Variants in CEP112 observed in about 807,000 individuals in gnomAD.
CEP112 encodes centrosomal protein of 112 kDa.
In CEP112, 127 loss-of-function variants were observed where a neutral mutation model predicts 153.0. The ratio of observed to expected loss-of-function variants is 0.83; its 90% confidence interval spans 0.72 to 0.96. The LOEUF (loss-of-function observed/expected upper bound fraction) is 0.96. Among genes scored for constraint, CEP112 ranks in the 40% least tolerant of loss-of-function variants. CEP112 has a pLI of 0.00. For synonymous variants in CEP112, 358 were observed against 374.4 expected, an observed-to-expected ratio of 0.96 and a Z score of 0.51; for missense variants, 1,089 against 1,101.2, an observed-to-expected ratio of 0.99 and a Z score of 0.16.
intron 21 of CEP112, among the ~76,000 whole-genome samples, chr17:65,757,926 T>C (rs912935405): frequency 6.6e-6 from 1 of 152,158 alleles, no homozygotes; most frequent in East Asian, 1.9e-4. Context: ...CATTTGTATA[T>C]AGAAACACAA....
chr17:65,926,364 C>T (rs141220049), intron 19 of CEP112, among the ~76,000 whole-genome samples: 121 of 152,282 alleles, frequency 7.9e-4, no homozygotes, highest in Middle Eastern at 3.4e-3. Flanking sequence ...CTATAATCTC[C>T]TTCCCACCCT....
intron 18 of CEP112, among the ~76,000 whole-genome samples, chr17:65,928,177 T>C (rs968779034): frequency 2.0e-5 from 3 of 152,202 alleles, no homozygotes; most frequent in Non-Finnish European, 4.4e-5. Flanking sequence ...TTTGAAAAGA[T>C]GCTCAACATC....
At chr17:66,026,243 T>TA (rs1376604563) in intron 16 of CEP112, among the ~76,000 whole-genome samples, 1 of 152,118 alleles carries the variant, frequency 6.6e-6, no homozygotes, top group East Asian at 1.9e-4. Context: ...TATATCCATG[T>TA]AAAAAAACTG....
chr17:65,982,600 A>G (rs2145153436), intron 17 of CEP112, among the ~76,000 whole-genome samples: 1 of 152,320 alleles, frequency 6.6e-6, no homozygotes, highest in South Asian at 2.1e-4. Flanking sequence ...TGCAGTTCCA[A>G]TTAGGGTAAA....
intron 24 of CEP112, among the ~76,000 whole-genome samples, chr17:65,654,068 A>AAAAAAAAAAAG (rs2045934220): frequency 6.7e-6 from 1 of 149,972 alleles, no homozygotes; most frequent in African/African-American, 2.5e-5. Context: ...AAAAAAAAAA[A>AAAAAAAAAAAG]AAAAAAAAAA....
At chr17:65,751,786 T>A (rs954743580) in intron 21 of CEP112, among the ~76,000 whole-genome samples, 12 of 152,170 alleles carry the variant, frequency 7.9e-5, no homozygotes, top group African/African-American at 2.9e-4. Flanking sequence ...ATCATTAACA[T>A]CCCTCTTTTT....
intron 11 of CEP112, among the ~76,000 whole-genome samples, chr17:66,057,418 T>C (rs771612750): frequency 2.0e-5 from 3 of 152,144 alleles, no homozygotes; most frequent in Non-Finnish European, 2.9e-5. Flanking sequence ...CTCCATGGGA[T>C]AGGTATTCTC....
rs201972545 is a variant in CEP112 at position 65,983,427 on chromosome 17, T to C, written c.1737-21829A>G. On this transcript the variant is annotated intron_variant, in intron 17 of 26. Coordinates refer to ENST00000535342, the MANE Select transcript of CEP112 (RefSeq NM_001199165.4). ...TTGGGATATGTGTCCCCTCCAAATA[T>C]CATGTTGAAATGTGACCTTCCAATG... Among the ~76,000 whole-genome samples, 9 of 152,272 alleles carry C rather than the reference T, an allele frequency of 5.9e-5. No homozygotes were observed. In the East Asian group the frequency reaches 1.5e-3, roughly 26 times the overall value.
chr17:66,095,299 C>A (rs2068296904), intron 8 of CEP112, among the ~76,000 whole-genome samples: 1 of 152,030 alleles, frequency 6.6e-6, no homozygotes, highest in African/African-American at 2.4e-5. Flanking sequence ...TACACACACA[C>A]ACATACACAC....
chr17:66,154,235 C>T (rs1265398492), intron 4 of CEP112, among the ~76,000 whole-genome samples: 1 of 151,748 alleles, frequency 6.6e-6, no homozygotes. Flanking sequence ...TAATGCTAGG[C>T]TGGGCACGGT....
At chr17:66,052,878 G>A (rs1260594957) in intron 12 of CEP112, among the ~76,000 whole-genome samples, 5 of 152,134 alleles carry the variant, frequency 3.3e-5, no homozygotes, top group Admixed American at 2.0e-4. Context: ...AGGCCAACGC[G>A]GGCAGATCGC....
chr17:65,666,025 T>C (rs2046674918), intron 24 of CEP112, among the ~76,000 whole-genome samples: 1 of 152,202 alleles, frequency 6.6e-6, no homozygotes, highest in Non-Finnish European at 1.5e-5. Context: ...GCATTTCAAC[T>C]CTGATCACTC....
chr17:65,973,227 T>C (rs1368947488), intron 17 of CEP112, among the ~76,000 whole-genome samples: 2 of 152,168 alleles, frequency 1.3e-5, no homozygotes, highest in Admixed American at 1.3e-4. Context: ...AACAGCACAA[T>C]TTATAAAAGA....
chr17:65,855,258 G>C (rs2058087090), intron 20 of CEP112, among the ~76,000 whole-genome samples: 1 of 152,128 alleles, frequency 6.6e-6, no homozygotes, highest in Non-Finnish European at 1.5e-5. Context: ...AATCATATCT[G>C]TTCCATTACC....
rs183257093 is a variant in CEP112 at position 66,029,038 on chromosome 17, C to T, written c.1503+85G>A. The T allele has an allele frequency of 3.8e-4, 399 of 1,052,000 alleles. 1 individual carries two copies. In the African/African-American group the frequency reaches 6.1e-3, roughly 16 times the overall value. The allele number at this position is 1,052,000 out of a possible 1,614,324, so 65.2% of individuals were successfully genotyped here. On this transcript the variant is annotated intron_variant, in intron 14 of 26. Coordinates refer to ENST00000535342, the MANE Select transcript of CEP112 (RefSeq NM_001199165.4). ...GTGAAAGAGAGATTAATTTCAAATG[C>T]CAAATAATTTCTACTTGGCTATCTA...
rs182203222 is a variant in CEP112 at position 65,903,906 on chromosome 17, T to A, written c.1981-1572A>T. ...GATGCAGAAAAGGCCTTTGATAAAA[T>A]TCAACATCCCTTCATGCTAAAAACT... On this transcript the variant is annotated intron_variant, in intron 19 of 26. Coordinates refer to ENST00000535342, the MANE Select transcript of CEP112 (RefSeq NM_001199165.4). Among the ~76,000 whole-genome samples the A allele has an allele frequency of 2.7e-3, 404 of 152,236 alleles. 4 individuals carry two copies. The highest frequency in any genetic ancestry group is 9.4e-3 in the African/African-American group (390 of 41,540).
At chr17:66,085,979 C>CAAA (rs373315539) in intron 8 of CEP112, among the ~76,000 whole-genome samples, 20 of 109,922 alleles carry the variant, frequency 1.8e-4, no homozygotes, top group Admixed American at 6.4e-4. Flanking sequence ...GACTCCGTCT[C>CAAA]AAAAAAAAAA....
intron 17 of CEP112, among the ~76,000 whole-genome samples, chr17:65,972,444 T>C (rs1170328789): frequency 1.3e-5 from 2 of 152,150 alleles, no homozygotes; most frequent in African/African-American, 4.8e-5. Flanking sequence ...GAAAATAATA[T>C]ACAGGTTTCA....
At chr17:65,969,045 G>C (rs1055573366) in intron 17 of CEP112, among the ~76,000 whole-genome samples, 4 of 150,580 alleles carry the variant, frequency 2.7e-5, no homozygotes, top group African/African-American at 9.7e-5. Context: ...AAATGATTAA[G>C]ACATTATATC....
Sources: allele counts gnomAD v4.1 joint callset (sites outside exome capture counted in the v4.1 genomes callset), GRCh38; gene constraint gnomAD v4.1.1; transcripts MANE v1.5; gene names NCBI Gene and HGNC (gene_info 2026-07-23, HGNC 2026-07-21).